The following NEK11 variants were observed in gnomAD, a reference collection of about 807,000 sequenced individuals.
NEK11 encodes NIMA related kinase 11.
NEK11 carries 72 observed loss-of-function variants against 80.7 expected under a neutral mutation model. The observed-to-expected ratio is 0.89, with a 90% CI of 0.74 to 1.08. The LOEUF (loss-of-function observed/expected upper bound fraction) is 1.08. Among genes scored for constraint, NEK11 ranks in the 50% least tolerant of loss-of-function variants. The pLI, the probability that NEK11 is intolerant of heterozygous loss-of-function variation, is 0.00. For missense variants in NEK11, 764 were observed against 763.6 expected, an observed-to-expected ratio of 1.00 and a Z score of -0.01; for synonymous variants, 251 against 260.7, an observed-to-expected ratio of 0.96 and a Z score of 0.36.
chr3:131,140,330 G>A (rs982676814), intron 7 of NEK11, among the ~76,000 whole-genome samples: 1 of 152,166 alleles, frequency 6.6e-6, no homozygotes, highest in Non-Finnish European at 1.5e-5. Context: ...GAGGAACCAA[G>A]GCCTTTGGTC....
intron 14 of NEK11, among the ~76,000 whole-genome samples, chr3:131,197,295 G>A (rs1034497125): frequency 6.6e-6 from 1 of 152,164 alleles, no homozygotes; most frequent in Non-Finnish European, 1.5e-5. Context: ...TGGGGGTTAT[G>A]CAGTTGAGAT....
At chr3:131,265,745 G>T (rs1212327360) in intron 16 of NEK11, among the ~76,000 whole-genome samples, 1 of 152,150 alleles carries the variant, frequency 6.6e-6, no homozygotes, top group African/African-American at 2.4e-5. Context: ...AGTCAGGGAG[G>T]AATCCCTCTT....
chr3:131,054,801 T>C (rs1324600818), intron 3 of NEK11, among the ~76,000 whole-genome samples: 1 of 147,526 alleles, frequency 6.8e-6, no homozygotes, highest in Non-Finnish European at 1.5e-5. Flanking sequence ...AATGAATGAA[T>C]GTACCCGGTA....
At chr3:131,218,599 C>T (rs2094920443) in intron 14 of NEK11, among the ~76,000 whole-genome samples, 1 of 152,108 alleles carries the variant, frequency 6.6e-6, no homozygotes, top group Non-Finnish European at 1.5e-5. Flanking sequence ...GCCCTAACCC[C>T]CAGTACTTCA....
intron 4 of NEK11, among the ~76,000 whole-genome samples, chr3:131,090,500 A>G (rs2076570318): frequency 6.6e-6 from 1 of 152,234 alleles, no homozygotes; most frequent in Non-Finnish European, 1.5e-5. Context: ...AATATTTCTC[A>G]AGGACAAAGT....
rs984321132 is a variant in NEK11 at position 131,137,143 on chromosome 3, G to A, written c.647+3187G>A. ...GTCTTTCTCAGAAATTTGGTGTGGA[G>A]GTTGGTTGGGTGGGGGACAGAGAAG... On this transcript the variant is annotated intron_variant, in intron 7 of 17. Coordinates refer to ENST00000383366, the MANE Select transcript of NEK11 (RefSeq NM_024800.5). Among the ~76,000 whole-genome samples, 4 of 152,060 alleles carry A rather than the reference G, an allele frequency of 2.6e-5. No homozygotes were observed. The East Asian group carries it at 7.7e-4, about 29-fold the overall frequency.
At chr3:131,086,326 A>C (rs1336192838) in intron 4 of NEK11, among the ~76,000 whole-genome samples, 1 of 152,232 alleles carries the variant, frequency 6.6e-6, no homozygotes, top group Non-Finnish European at 1.5e-5. Context: ...CTTACTCTCT[A>C]TTCTTTACCT....
intron 3 of NEK11, among the ~76,000 whole-genome samples, chr3:131,055,044 G>A (rs1439088736): frequency 6.6e-6 from 1 of 152,156 alleles, no homozygotes; most frequent in Non-Finnish European, 1.5e-5. Context: ...TTAATAAACT[G>A]TCTAGACCAT....
chr3:131,190,803 C>T (rs1038662135), intron 14 of NEK11, among the ~76,000 whole-genome samples: 3 of 152,006 alleles, frequency 2.0e-5, no homozygotes, highest in Non-Finnish European at 4.4e-5. Flanking sequence ...TAAAAGATCT[C>T]TAGAAATTAT....
chr3:131,156,710 CCTCT>C (rs1041472244), intron 10 of NEK11, among the ~76,000 whole-genome samples: 3 of 152,068 alleles, frequency 2.0e-5, no homozygotes, highest in African/African-American at 7.2e-5. Context: ...AGTTACTTAA[CCTCT>C]CTATGACTAT....
chr3:131,076,146 A>G (rs1333277385), intron 3 of NEK11, among the ~76,000 whole-genome samples: 3 of 152,140 alleles, frequency 2.0e-5, no homozygotes, highest in Non-Finnish European at 4.4e-5. Context: ...GTCTGTTTTT[A>G]TCTCTCCATG....
At chr3:131,154,683 AC>A (rs1327408907) in intron 9 of NEK11, among the ~76,000 whole-genome samples, 3 of 152,138 alleles carry the variant, frequency 2.0e-5, no homozygotes, top group Admixed American at 6.6e-5. Flanking sequence ...ACTTGCCTAA[AC>A]CTTGCACTGG....
chr3:131,049,890 G>A (rs375286543), intron 3 of NEK11, among the ~76,000 whole-genome samples: 1 of 151,266 alleles, frequency 6.6e-6, no homozygotes, highest in East Asian at 1.9e-4. Context: ...TTTAAAAAAA[G>A]TTGTTGCTTG....
At position 131,029,865 on chromosome 3, in the gene NEK11, C is replaced by T. The variant is rs773314504; in HGVS notation, c.157C>T (p.Arg53Ter). 1.5e-5 allele frequency: 25 copies of T among 1,613,960 alleles called. No individual in the cohort carries two copies. Among genetic ancestry groups the T allele is most frequent in the Middle Eastern group, 3.3e-4 (2 of 6,084 alleles). Reference sequence around the variant, plus strand: ...TCTGGTTTCAGACAAGAAAGCCAAACGAGGAGAGGAATTGTAAGTAAAAAT... The same window carrying T: ...TCTGGTTTCAGACAAGAAAGCCAAATGAGGAGAGGAATTGTAAGTAAAAAT... ...VYLVSDKKAK[R>*]GEELKVLKEI... Residue 53 changes from arginine to a stop codon, truncating the protein, a stop_gained, in exon 3 of 18, where the codon CGA becomes TGA. Transcript: ENST00000383366. LOFTEE classifies it high-confidence loss of function.
chr3:131,179,180 C>T (rs781594631), intron 14 of NEK11, among the ~76,000 whole-genome samples: 5 of 152,194 alleles, frequency 3.3e-5, no homozygotes, highest in Admixed American at 6.5e-5. Context: ...AGCAATAATA[C>T]GCCATGTTGG....
chr3:131,277,658 G>A (rs2096318414), intron 17 of NEK11, among the ~76,000 whole-genome samples: 1 of 152,218 alleles, frequency 6.6e-6, no homozygotes. Context: ...GGCTTTGTAA[G>A]TATTAATATA....
intron 14 of NEK11, among the ~76,000 whole-genome samples, chr3:131,185,561 C>T (rs573198420): frequency 6.6e-6 from 1 of 152,250 alleles, no homozygotes; most frequent in East Asian, 1.9e-4. Context: ...AACTGATCCC[C>T]AATATCTTAC....
intron 5 of NEK11, among the ~76,000 whole-genome samples, chr3:131,132,384 A>G (rs1415727207): frequency 6.6e-6 from 1 of 152,058 alleles, no homozygotes; most frequent in Non-Finnish European, 1.5e-5. Flanking sequence ...TAAAACTTGG[A>G]CATTTGGGTA....
At chr3:131,333,754 A>T (rs2097134829) in intron 17 of NEK11, among the ~76,000 whole-genome samples, 1 of 152,230 alleles carries the variant, frequency 6.6e-6, no homozygotes, top group Admixed American at 6.5e-5. Flanking sequence ...ATAGGCTCAA[A>T]ATAAAAGGAT....
Sources: allele counts gnomAD v4.1 joint callset (sites outside exome capture counted in the v4.1 genomes callset), GRCh38; gene constraint gnomAD v4.1.1; transcripts MANE v1.5; gene names NCBI Gene and HGNC (gene_info 2026-07-23, HGNC 2026-07-21).